TCERG1L: variants seen among roughly 807,000 people sequenced by gnomAD.
TCERG1L encodes transcription elongation regulator 1 like.
Under a neutral mutation model 56.3 loss-of-function variants are expected in TCERG1L, and 37 were observed. The ratio of observed to expected loss-of-function variants is 0.66; its 90% CI spans 0.51 to 0.87. TCERG1L has a LOEUF of 0.87. Ranked by LOEUF, TCERG1L falls within the 40% of genes least tolerant of loss-of-function variation. The probability of loss-of-function intolerance (pLI) is 0.00; values close to 1 mark genes in which losing one functional copy is unlikely to be tolerated. For synonymous variants in TCERG1L, 324 were observed against 326.3 expected (o/e 0.99, Z 0.08); for missense variants, 799 against 774.2 (o/e 1.03, Z -0.38).
Position 131,200,097 on chromosome 10 carries a change from T to C in TCERG1L, c.857-33212A>G, listed in dbSNP as rs76704089. 3.4e-3 allele frequency among the ~76,000 whole-genome samples: 517 copies of C among 152,352 alleles called. 6 individuals are homozygous for C. The highest frequency in any genetic ancestry group is 0.012 in the African/African-American group (496 of 41,580). ...CACCAGGATCGTCCTTAATGCTCTG[T>C]TCATGGCAATGCAGGCTTTTCCCAG... On this transcript the variant is annotated intron_variant, in intron 4 of 11. Transcript: ENST00000368642.
In TCERG1L at chr10:131,274,588, C is replaced by T. The variant is rs547758851; in HGVS notation, c.671-14144G>A. Among the ~76,000 whole-genome samples, 57 of 152,254 alleles carry T rather than the reference C, an allele frequency of 3.7e-4. No homozygotes were observed. The South Asian group carries it at 5.2e-3, about 14-fold the overall frequency. On this transcript the variant is annotated intron_variant, in intron 3 of 11. Transcript: ENST00000368642. The stretch of plus-strand genomic sequence containing the variant: ...AGGGCTTCTTTCACTCCGGTTGTTT[C>T]GTTAAAACCCCCTTAGGGCCCAGCT...
intron 4 of TCERG1L, among the ~76,000 whole-genome samples, chr10:131,193,330 A>T (rs563944632): frequency 1.3e-5 from 2 of 152,214 alleles, no homozygotes; most frequent in African/African-American, 4.8e-5. Flanking sequence ...TACGTTGACA[A>T]TTTCTTTTGT....
intron 4 of TCERG1L, among the ~76,000 whole-genome samples, chr10:131,182,801 C>T (rs1037506662): frequency 4.6e-5 from 7 of 152,202 alleles, no homozygotes; most frequent in African/African-American, 7.2e-5. Flanking sequence ...TAGTGCAGTT[C>T]TCATCTCAGT....
At chr10:131,200,294 G>A (rs1845417437) in intron 4 of TCERG1L, among the ~76,000 whole-genome samples, 1 of 152,208 alleles carries the variant, frequency 6.6e-6, no homozygotes, top group Non-Finnish European at 1.5e-5. Context: ...GAAGAACAGA[G>A]GACAGAAGTC....
chr10:131,163,879 C>T (rs554657761), intron 5 of TCERG1L: 1 of 152,260 alleles, frequency 6.6e-6, no homozygotes, highest in East Asian at 1.9e-4. Flanking sequence ...CCTGTAATCC[C>T]AGCACTTTGG....
At chr10:131,258,491 G>T (rs1489030849) in intron 4 of TCERG1L, among the ~76,000 whole-genome samples, 1 of 152,170 alleles carries the variant, frequency 6.6e-6, no homozygotes, top group African/African-American at 2.4e-5. Context: ...TGAAGCCTGG[G>T]TTGGGCCACG....
At chr10:131,310,261 A>C (rs1175448244) in intron 1 of TCERG1L, among the ~76,000 whole-genome samples, 1 of 152,240 alleles carries the variant, frequency 6.6e-6, no homozygotes, top group East Asian at 1.9e-4. Context: ...CTCTGATATA[A>C]CACCCCTCCA....
At chr10:131,187,648 C>T (rs1239331740) in intron 4 of TCERG1L, among the ~76,000 whole-genome samples, 3 of 152,162 alleles carry the variant, frequency 2.0e-5, no homozygotes, top group Non-Finnish European at 4.4e-5. Flanking sequence ...GCTTCTGGGG[C>T]CTCCTTGGTT....
intron 4 of TCERG1L, among the ~76,000 whole-genome samples, chr10:131,198,411 C>A (rs1564812647): frequency 6.6e-6 from 1 of 152,272 alleles, no homozygotes; most frequent in African/African-American, 2.4e-5. Context: ...TCCCTCAAGA[C>A]AGAGCGTCTG....
At chr10:131,242,356 C>T (rs1845983093) in intron 4 of TCERG1L, among the ~76,000 whole-genome samples, 1 of 152,026 alleles carries the variant, frequency 6.6e-6, no homozygotes, top group South Asian at 2.1e-4. Context: ...AACATCTTGG[C>T]AATGTGTAAG....
chr10:131,098,819 C>T (rs1443872468), intron 10 of TCERG1L, among the ~76,000 whole-genome samples: 1 of 152,224 alleles, frequency 6.6e-6, no homozygotes, highest in Non-Finnish European at 1.5e-5. Context: ...AACGCGCGGC[C>T]TCCCACTGCC....
chr10:131,218,079 C>CA (rs1279276184), intron 4 of TCERG1L, among the ~76,000 whole-genome samples: 1 of 152,168 alleles, frequency 6.6e-6, no homozygotes, highest in Non-Finnish European at 1.5e-5. Context: ...GCAGGAGCCA[C>CA]AGCCAGTCCC....
intron 4 of TCERG1L, among the ~76,000 whole-genome samples, chr10:131,183,536 C>A (rs978544361): frequency 6.6e-6 from 1 of 152,178 alleles, no homozygotes; most frequent in African/African-American, 2.4e-5. Context: ...GGCCCCTCAC[C>A]CTCTGTAGGA....
At chr10:131,261,741 G>T (rs1425357787) in intron 3 of TCERG1L, among the ~76,000 whole-genome samples, 1 of 152,330 alleles carries the variant, frequency 6.6e-6, no homozygotes. Context: ...TTCCTCCCAG[G>T]TAGGGAAGAG....
chr10:131,172,210 TCTGGTTTC>T (rs1846099354), intron 4 of TCERG1L, among the ~76,000 whole-genome samples: 1 of 152,038 alleles, frequency 6.6e-6, no homozygotes, highest in Non-Finnish European at 1.5e-5. Flanking sequence ...ACATGCGTCT[TCTGGTTTC>T]CTGCCCGGGG....
At chr10:131,263,454 G>C (rs781754518) in intron 3 of TCERG1L, among the ~76,000 whole-genome samples, 9 of 152,132 alleles carry the variant, frequency 5.9e-5, no homozygotes, top group Non-Finnish European at 1.3e-4. Flanking sequence ...TGTTGGAAAC[G>C]TATCACAATC....
chr10:131,143,516 GC>G (rs1845760725), intron 7 of TCERG1L, among the ~76,000 whole-genome samples: 1 of 152,124 alleles, frequency 6.6e-6, no homozygotes, highest in African/African-American at 2.4e-5. Flanking sequence ...GTGACAGGTG[GC>G]CCCCGTGGCC....
At chr10:131,144,839 C>A (rs981890630) in intron 7 of TCERG1L, among the ~76,000 whole-genome samples, 1 of 152,164 alleles carries the variant, frequency 6.6e-6, no homozygotes, top group Non-Finnish European at 1.5e-5. Context: ...AAGAAGGAGA[C>A]GGAGCATCGA....
chr10:131,242,998 C>G (rs1269146439), intron 4 of TCERG1L, among the ~76,000 whole-genome samples: 2 of 152,110 alleles, frequency 1.3e-5, no homozygotes, highest in East Asian at 3.8e-4. Flanking sequence ...AGAAGGTCAC[C>G]ATTTTGTGAA....
Sources: gnomAD v4.1 joint callset for allele counts (sites outside exome capture counted in the v4.1 genomes callset) on GRCh38, gnomAD v4.1.1 for gene constraint, MANE v1.5 for transcripts, NCBI Gene and HGNC (gene_info 2026-07-23, HGNC 2026-07-21) for gene names.